GABRG3: variants seen among roughly 807,000 people sequenced by gnomAD.
GABRG3 encodes the protein gamma-aminobutyric acid receptor subunit gamma-3.
A neutral mutation model predicts 48.8 loss-of-function variants in GABRG3; 25 were observed. The observed-to-expected ratio is 0.51, with a 90% CI of 0.37 to 0.72. GABRG3 has a LOEUF of 0.72. Among genes scored for constraint, GABRG3 ranks in the 30% least tolerant of loss-of-function variants. The pLI is 0.00. For synonymous variants in GABRG3, 227 were observed against 217.6 expected, an observed-to-expected ratio of 1.04 and a Z score of -0.38; for missense variants, 394 against 577.9, an observed-to-expected ratio of 0.68 and a Z score of 3.26.
At chr15:27,219,550 T>A (rs1239935835) in intron 3 of GABRG3, among the ~76,000 whole-genome samples, 2 of 152,174 alleles carry the variant, frequency 1.3e-5, no homozygotes, top group African/African-American at 4.8e-5. Flanking sequence ...ATGGATCCTG[T>A]GGCCCTGGAT....
chr15:27,522,448 A>G lies in GABRG3; in HGVS notation c.865+2324A>G, dbSNP rs376599637. Among the ~76,000 whole-genome samples the G allele has an allele frequency of 2.0e-5, 3 of 151,736 alleles. No homozygotes were observed. The South Asian group carries it at 6.2e-4, about 31-fold the overall frequency. On this transcript the variant is annotated intron_variant, in intron 7 of 9. Transcript: ENST00000615808. The stretch of plus-strand genomic sequence containing the variant: ...TGTGCGGTGAAGTTTAAAAAAAACT[A>G]GTTTTCTATTTTTATTCTTTCAATT...
chr15:27,491,222 G>A (rs183603679), intron 6 of GABRG3, among the ~76,000 whole-genome samples: 30 of 152,314 alleles, frequency 2.0e-4, no homozygotes, highest in East Asian at 7.7e-4. Context: ...CCCACACTGC[G>A]GCCCCTGCCT....
intron 3 of GABRG3, among the ~76,000 whole-genome samples, chr15:27,316,298 G>T (rs916429189): frequency 1.1e-4 from 16 of 146,600 alleles, no homozygotes; most frequent in African/African-American, 4.1e-4. Flanking sequence ...TGAGGCAGGA[G>T]AATGGCGTGA....
At position 27,120,040 on chromosome 15, in the gene GABRG3, G is replaced by T. The variant is rs181053487; in HGVS notation, c.270+93219G>T. ...TAACCGAATGTGTGAACACCAGGAG[G>T]TGGGGATCATGGAAGATTCCTTTGA... On this transcript the variant is annotated intron_variant, in intron 3 of 9. Coordinates refer to ENST00000615808, the MANE Select transcript of GABRG3 (RefSeq NM_033223.5). Among the ~76,000 whole-genome samples, 19 of 152,350 alleles carry T rather than the reference G, an allele frequency of 1.2e-4. 1 individual carries two copies. The highest frequency in any genetic ancestry group is 7.2e-4 in the Admixed American group (11 of 15,306).
rs1346067240 is a variant in GABRG3 at position 27,533,771 on chromosome 15, G to A, written c.*890G>A. 6.6e-6 allele frequency: 1 copy of A among 152,244 alleles called. No individual in the cohort carries two copies. The highest frequency in any genetic ancestry group is 1.5e-5 in the Non-Finnish European group (1 of 68,012). 9.4% of individuals were successfully genotyped at this position (152,244 alleles called of 1,614,324 possible). On this transcript the variant is annotated 3_prime_UTR_variant, in exon 10 of 10. Transcript: ENST00000615808. The stretch of plus-strand genomic sequence containing the variant: ...CATTTTGCAAAGAAAGGTATACAGT[G>A]AACACAACCTGTTATCTTGAAGACA...
chr15:27,078,102 G>C (rs1026527393), intron 3 of GABRG3, among the ~76,000 whole-genome samples: 5 of 152,188 alleles, frequency 3.3e-5, no homozygotes, highest in South Asian at 2.1e-4. Flanking sequence ...TGGAGTGCCG[G>C]ATAGTTGGTC....
intron 5 of GABRG3, among the ~76,000 whole-genome samples, chr15:27,410,203 C>T (rs1362804211): frequency 2.6e-5 from 4 of 152,144 alleles, no homozygotes; most frequent in East Asian, 3.9e-4. Flanking sequence ...TCTATTGTTA[C>T]GGTGGATAAC....
intron 6 of GABRG3, among the ~76,000 whole-genome samples, chr15:27,492,926 G>A (rs998097552): frequency 1.9e-4 from 24 of 126,278 alleles, no homozygotes; most frequent in Admixed American, 8.9e-4. Flanking sequence ...ATAATATAAT[G>A]TTAGGTAAAA....
chr15:27,193,774 C>T (rs1226910778), intron 3 of GABRG3, among the ~76,000 whole-genome samples: 1 of 152,180 alleles, frequency 6.6e-6, no homozygotes, highest in Non-Finnish European at 1.5e-5. Flanking sequence ...GAACCCGGTA[C>T]CTCAGATGGA....
Position 27,164,601 on chromosome 15 carries a change from C to T in GABRG3, c.270+137780C>T, listed in dbSNP as rs533574713. Among the ~76,000 whole-genome samples the T allele has an allele frequency of 2.6e-5, 4 of 152,084 alleles. No homozygotes were observed. The South Asian group carries it at 8.3e-4, about 32-fold the overall frequency. The stretch of plus-strand genomic sequence containing the variant: ...GGCTCTTTTGATCTAGATTGGCACC[C>T]TCCTATTCAATTTGATGTATTTGTC... On this transcript the variant is annotated intron_variant, in intron 3 of 9. Coordinates refer to ENST00000615808, the MANE Select transcript of GABRG3 (RefSeq NM_033223.5).
At chr15:27,055,935 C>T (rs1480894097) in intron 3 of GABRG3, among the ~76,000 whole-genome samples, 1 of 152,066 alleles carries the variant, frequency 6.6e-6, no homozygotes. Flanking sequence ...AATAAATGCA[C>T]ATATTGATGA....
At chr15:27,129,148 G>C (rs1056725182) in intron 3 of GABRG3, among the ~76,000 whole-genome samples, 3 of 152,146 alleles carry the variant, frequency 2.0e-5, no homozygotes, top group African/African-American at 4.8e-5. Flanking sequence ...TATCACCACT[G>C]TTCAGCCAAA....
chr15:27,445,986 T>G (rs1456887941), intron 5 of GABRG3, among the ~76,000 whole-genome samples: 1 of 152,194 alleles, frequency 6.6e-6, no homozygotes, highest in African/African-American at 2.4e-5. Context: ...AACTCTCAAT[T>G]CTATTTTGTT....
chr15:27,476,936 T>G (rs1889957753), intron 5 of GABRG3, among the ~76,000 whole-genome samples: 1 of 152,162 alleles, frequency 6.6e-6, no homozygotes, highest in Non-Finnish European at 1.5e-5. Flanking sequence ...CAATATTTAC[T>G]TACAGGTGAG....
chr15:27,073,599 C>A (rs1896861251), intron 3 of GABRG3, among the ~76,000 whole-genome samples: 1 of 152,230 alleles, frequency 6.6e-6, no homozygotes, highest in Non-Finnish European at 1.5e-5. Flanking sequence ...TTTTCTTCTA[C>A]TGTTTATTTC....
At chr15:27,346,189 T>C (rs1056957210) in intron 5 of GABRG3, among the ~76,000 whole-genome samples, 69 of 152,184 alleles carry the variant, frequency 4.5e-4, no homozygotes, top group African/African-American at 1.5e-3. Context: ...GGATAATTTA[T>C]CTGGATATTG....
chr15:27,214,724 C>T (rs550669822), intron 3 of GABRG3, among the ~76,000 whole-genome samples: 1 of 147,444 alleles, frequency 6.8e-6, no homozygotes, highest in South Asian at 2.1e-4. Context: ...GGAAGCTTGA[C>T]TCATTTCATC....
rs1893341601 is a variant in GABRG3, at chr15:27,319,347, T to C, written c.271-7462T>C. On this transcript the variant is annotated intron_variant, in intron 3 of 9. Coordinates refer to ENST00000615808, the MANE Select transcript of GABRG3 (RefSeq NM_033223.5). This position sits in a 1 kb window ranked among gnomAD's most constrained non-coding sequence, Gnocchi z 4.4. ...GGGGATATTCATATTGTTGTGAACA[T>C]TGGGTACAGTGGGGCTATGTCAATT... 6.6e-6 allele frequency among the ~76,000 whole-genome samples: 1 copy of C among 152,148 alleles called. No individual in the cohort carries two copies. Among genetic ancestry groups the C allele is most frequent in the East Asian group, 1.9e-4 (1 of 5,174 alleles).
chr15:27,490,508 G>A (rs565235213), intron 6 of GABRG3, among the ~76,000 whole-genome samples: 1 of 152,208 alleles, frequency 6.6e-6, no homozygotes, highest in South Asian at 2.1e-4. Context: ...AGAAATGCAG[G>A]CCTGTTTCCT....
Sources: gnomAD v4.1 joint callset for allele counts (sites outside exome capture counted in the v4.1 genomes callset) on GRCh38, gnomAD v4.1.1 for gene constraint, Gnocchi (gnomAD v3.1) non-coding constraint, MANE v1.5 for transcripts, NCBI Gene and HGNC (gene_info 2026-07-23, HGNC 2026-07-21) for gene names.